POLE2: variants seen among roughly 807,000 people sequenced by gnomAD.
POLE2 encodes DNA polymerase epsilon 2, accessory subunit, also known as DNA polymerase epsilon subunit 2.
Under a neutral mutation model 79.4 loss-of-function variants are expected in POLE2, and 56 were observed. The observed-to-expected ratio is 0.71, with a 90% confidence interval of 0.57 to 0.88. The LOEUF (loss-of-function observed/expected upper bound fraction) is 0.88, where lower values mean the gene tolerates loss of function less well. Among genes scored for constraint, POLE2 ranks in the 40% least tolerant of loss-of-function variants. The pLI, the probability that POLE2 is intolerant of heterozygous loss-of-function variation, is 0.00. For synonymous variants in POLE2, 212 were observed against 214.0 expected (o/e 0.99, Z 0.08); for missense variants, 598 against 638.9 (o/e 0.94, Z 0.69).
intron 1 of POLE2, among the ~76,000 whole-genome samples, chr14:49,687,262 CAAA>C (rs531800246): frequency 1.6e-5 from 2 of 124,398 alleles, no homozygotes; most frequent in Non-Finnish European, 1.7e-5. Flanking sequence ...GACCATGACT[CAAA>C]AAAAAAAAAA....
intron 5 of POLE2, among the ~76,000 whole-genome samples, chr14:49,671,949 A>G (rs557051837): frequency 1.1e-4 from 16 of 152,250 alleles, no homozygotes; most frequent in Non-Finnish European, 1.9e-4. Flanking sequence ...GCAAGACTCT[A>G]TATCAAAAAT....
chr14:49,659,514 A>G (rs999688013), intron 10 of POLE2, among the ~76,000 whole-genome samples: 7 of 152,042 alleles, frequency 4.6e-5, no homozygotes, highest in Non-Finnish European at 8.8e-5. Context: ...TTACAAAAAG[A>G]GTCAAAAATT....
intron 5 of POLE2, among the ~76,000 whole-genome samples, chr14:49,671,210 G>A (rs1885863972): frequency 6.6e-6 from 1 of 152,206 alleles, no homozygotes; most frequent in Non-Finnish European, 1.5e-5. Flanking sequence ...CACCTTCTCT[G>A]TATAAAGGAC....
chr14:49,687,569 A>G (rs1887244837), intron 1 of POLE2, among the ~76,000 whole-genome samples: 1 of 152,124 alleles, frequency 6.6e-6, no homozygotes, highest in Non-Finnish European at 1.5e-5. Flanking sequence ...ACCGGCTGCC[A>G]TAGATAGGTT....
At chr14:49,650,088 G>C in intron 17 of POLE2, 177 bp downstream of exon 17, 1 of 374,062 alleles carries the variant, frequency 2.7e-6, no homozygotes. Context: ...TCACTATACT[G>C]AAAGTTTAAG....
At position 49,675,219 on chromosome 14, in the gene POLE2, G is replaced by T. The variant is rs947971993; in HGVS notation, c.246-792C>A. Among the ~76,000 whole-genome samples the T allele has an allele frequency of 3.3e-5, 5 of 151,690 alleles. No homozygotes were observed. The South Asian group carries it at 1.0e-3, about 32-fold the overall frequency. On this transcript the variant is annotated intron_variant, in intron 3 of 18. Transcript: ENST00000216367. ...CCTGCCTCAGCCTCCCGAGTAGGTG[G>T]GATTACAGGCATGCACCACCACGCC...
At position 49,650,414 on chromosome 14, in the gene POLE2, G is replaced by A. The variant is rs199793850; in HGVS notation, c.1348C>T (p.His450Tyr). 2 of 1,554,150 alleles carry A rather than the reference G, an allele frequency of 1.3e-6. No homozygotes were observed. Among genetic ancestry groups the A allele is most frequent in the Admixed American group, 1.9e-5 (1 of 54,024 alleles). ...ACATAAAGAGGTAGGGGAGTCAGATGTCCTTGGGATAAGATAGTCTTTACA... is the reference window on the plus strand; with the variant it reads ...ACATAAAGAGGTAGGGGAGTCAGATATCCTTGGGATAAGATAGTCTTTACA... ...HFVKTILSQG[H>Y]LTPLPLYVCP... Residue 450 changes from histidine to tyrosine, a missense_variant, in exon 17 of 19, where the codon CAT (histidine) becomes TAT (tyrosine). His to Tyr is a moderately conservative substitution (Grantham distance 83). Transcript: ENST00000216367.
intron 2 of POLE2, among the ~76,000 whole-genome samples, chr14:49,680,874 G>A (rs1211944743): frequency 2.6e-5 from 4 of 151,714 alleles, no homozygotes; most frequent in African/African-American, 7.3e-5. Flanking sequence ...CTCGTGATCC[G>A]CCCGCCTCAG....
rs772051262 is a variant in POLE2, at chr14:49,665,116, A to G, written c.624T>C (p.Leu208=). The G allele has an allele frequency of 1.4e-6, 2 of 1,387,532 alleles. No individual in the cohort carries two copies. Among genetic ancestry groups the G allele is most frequent in the South Asian group, 2.4e-5 (2 of 84,492 alleles). The allele number at this position is 1,387,532 out of a possible 1,614,324, so 86.0% of individuals were successfully genotyped here. The change falls in exon 8 of 19, where the codon CTT becomes CTC. Residue 208 remains leucine (L), a synonymous_variant. Transcript: ENST00000216367. ...GACAAGTGAAGGATATAGCTTTACT[A>G]AGGTCTAGTTGGACTGTTCCAGTAG... The part of the protein sequence containing the change: ...EDPTGTVQLD[L]SKAQFHSGLY...
intron 10 of POLE2, among the ~76,000 whole-genome samples, chr14:49,662,797 A>C (rs6572597): frequency 0.72 from 109,903 of 152,144 alleles, 40,883 homozygotes; most frequent in Non-Finnish European, 0.77. Flanking sequence ...AACCCATGGG[A>C]CACCAAGTAC....
intron 5 of POLE2, among the ~76,000 whole-genome samples, chr14:49,671,582 A>G (rs892782968): frequency 6.9e-6 from 1 of 145,316 alleles, no homozygotes; most frequent in Non-Finnish European, 1.5e-5. Context: ...GCGCCACTGC[A>G]CTCAAGCCTG....
chr14:49,673,578 ATTGT>A (rs976512183), intron 5 of POLE2, among the ~76,000 whole-genome samples: 7 of 152,124 alleles, frequency 4.6e-5, no homozygotes, highest in Non-Finnish European at 1.0e-4. Context: ...TATTGAATAC[ATTGT>A]TTGTATCTCT....
intron 10 of POLE2, among the ~76,000 whole-genome samples, chr14:49,658,703 G>A (rs529839319): frequency 1.3e-5 from 2 of 152,270 alleles, no homozygotes; most frequent in South Asian, 2.1e-4. Flanking sequence ...CTGTCACAAT[G>A]TCCTAGTGCC....
chr14:49,681,566 G>C (rs569895638), intron 2 of POLE2: 1 of 152,360 alleles, frequency 6.6e-6, no homozygotes, highest in East Asian at 1.9e-4. Context: ...CTGAGGTCAG[G>C]AGTTCAACAC....
intron 15 of POLE2, 34 bp downstream of exon 15, chr14:49,653,956 G>A (rs776227191): frequency 3.2e-5 from 41 of 1,288,636 alleles, no homozygotes; most frequent in Non-Finnish European, 4.2e-5. Context: ...TTAAATGAAA[G>A]GAAAAATGTA....
chr14:49,663,390 GA>G lies in POLE2; in HGVS notation c.683-4del. 1.9e-6 allele frequency: 3 copies of G among 1,600,018 alleles called. No individual in the cohort carries two copies. Among genetic ancestry groups the G allele is most frequent in the South Asian group, 1.1e-5 (1 of 89,378 alleles). On this transcript the variant is annotated splice_polypyrimidine_tract_variant and splice_region_variant and intron_variant, in intron 9 of 18. Transcript: ENST00000216367. ...AAACACTTGATCTTCAAACCAACCT[GA>G]AAAAAAGTAACGTCACTTTCATTTG...
At chr14:49,673,750 C>T (rs1295902043) in intron 5 of POLE2, among the ~76,000 whole-genome samples, 2 of 152,202 alleles carry the variant, frequency 1.3e-5, no homozygotes, top group South Asian at 2.1e-4. Flanking sequence ...GATCTATGGG[C>T]AAATTACTAA....
rs1053429024 is a variant in POLE2 at position 49,687,803 on chromosome 14, G to C, written c.68+333C>G. ...CAACCTCCTCCTCCCGGGTTCAAGC[G>C]ATTCTCCTGCCTCAGCCTCCCAACT... On this transcript the variant is annotated intron_variant, in intron 1 of 18. Coordinates refer to ENST00000216367, the MANE Select transcript of POLE2 (RefSeq NM_002692.4). Among the ~76,000 whole-genome samples, 9 of 152,084 alleles carry C rather than the reference G, an allele frequency of 5.9e-5. No individual in the cohort carries two copies. The South Asian group carries it at 1.9e-3, about 32-fold the overall frequency.
chr14:49,648,664 G>A (rs1228889347), intron 17 of POLE2, among the ~76,000 whole-genome samples: 3 of 152,138 alleles, frequency 2.0e-5, no homozygotes, highest in Admixed American at 6.5e-5. Context: ...GAATACTACT[G>A]GCATTTAGTG....
Sources: allele counts gnomAD v4.1 joint callset (sites outside exome capture counted in the v4.1 genomes callset), GRCh38; gene constraint gnomAD v4.1.1; transcripts MANE v1.5; gene names NCBI Gene and HGNC (gene_info 2026-07-23, HGNC 2026-07-21).